ZMYM2: variants seen among roughly 807,000 people sequenced by gnomAD.
ZMYM2 encodes zinc finger MYM-type containing 2.
In ZMYM2, 56 loss-of-function variants were observed where a neutral mutation model predicts 162.8. The observed-to-expected ratio is 0.34, with a 90% CI of 0.28 to 0.43. The LOEUF (loss-of-function observed/expected upper bound fraction) is 0.43. Ranked by LOEUF, ZMYM2 falls within the 20% of genes least tolerant of loss-of-function variation. The pLI is 1.00. For synonymous variants in ZMYM2, 510 were observed against 541.6 expected (o/e 0.94, Z 0.81); for missense variants, 1,275 against 1,621.8 (o/e 0.79, Z 3.67).
At chr13:19,981,722 T>A (rs1300422198) in intron 2 of ZMYM2, among the ~76,000 whole-genome samples, 2 of 152,272 alleles carry the variant, frequency 1.3e-5, no homozygotes, top group African/African-American at 4.8e-5. Flanking sequence ...TATTATTTTC[T>A]TAAAATGTTT....
At chr13:20,034,057 G>A (rs748825601) in intron 10 of ZMYM2, among the ~76,000 whole-genome samples, 197 bp from the exon 11 acceptor site, 3 of 152,068 alleles carry the variant, frequency 2.0e-5, no homozygotes, top group Non-Finnish European at 4.4e-5. Context: ...GTAGCTAATG[G>A]CACTGAATTT....
In ZMYM2 at chr13:20,051,525, C is replaced by T; in HGVS notation, c.2385C>T (p.Cys795=). 1.2e-6 allele frequency: 2 copies of T among 1,613,528 alleles called. No homozygotes were observed. Among genetic ancestry groups the T allele is most frequent in the Non-Finnish European group, 1.7e-6 (2 of 1,179,604 alleles). The stretch of plus-strand genomic sequence containing the variant: ...TGAAACATTTCTGTGATCAACATTG[C>T]TTACTGCGTTTCTACTGTCAACAAA... ...GEMKHFCDQH[C]LLRFYCQQNE... is the part of the protein sequence containing the mutation. Residue 795 remains cysteine, a synonymous_variant, in exon 13 of 25, where the codon TGC becomes TGT. Transcript: ENST00000610343.
At chr13:20,081,987 A>G (rs771200349) in intron 21 of ZMYM2, 29 bp from the exon 22 acceptor site, 10 of 1,371,620 alleles carry the variant, frequency 7.3e-6, no homozygotes, top group Non-Finnish European at 7.7e-6. Context: ...CTTTCAAGAA[A>G]GTTTGTGGGG....
rs912392957 is a variant in ZMYM2 at position 20,058,683 on chromosome 13, C to G, written c.2602C>G (p.Gln868Glu). The G allele has an allele frequency of 9.9e-6, 16 of 1,613,526 alleles. No individual in the cohort carries two copies. Among genetic ancestry groups the G allele is most frequent in the Non-Finnish European group, 1.3e-5 (15 of 1,179,734 alleles). The stretch of plus-strand genomic sequence containing the variant: ...AGCTACTTACTGTAAACCTCACATG[C>G]AGACCAAATCTTGTCAGACAGGTAA... ...TKATYCKPHMQTKSCQTDDTW... is the reference protein window; with the variant it reads ...TKATYCKPHMETKSCQTDDTW... Residue 868 changes from glutamine (Q) to glutamate (E), a missense_variant, in exon 15 of 25, where the codon CAG becomes GAG. Gln to Glu is a conservative substitution (Grantham distance 29). Around this residue, in one of 10 missense-constraint regions of ZMYM2, gnomAD observed 177 missense variants for 228.0 expected, o/e 0.78. Coordinates refer to ENST00000610343, the MANE Select transcript of ZMYM2 (RefSeq NM_197968.4).
chr13:19,964,347 G>A (rs920790806), intron 2 of ZMYM2, among the ~76,000 whole-genome samples: 6 of 151,960 alleles, frequency 3.9e-5, no homozygotes, highest in Non-Finnish European at 7.4e-5. Flanking sequence ...CTGCACTCCA[G>A]CCTGGGCAAT....
intron 22 of ZMYM2, among the ~76,000 whole-genome samples, chr13:20,082,499 T>G (rs545254350): frequency 2.6e-5 from 4 of 152,292 alleles, no homozygotes; most frequent in Non-Finnish European, 5.9e-5. Flanking sequence ...ATTCCTGAAT[T>G]TTAATTTTAA....
At position 20,034,298 on chromosome 13, in the gene ZMYM2, T is replaced by C. The variant is rs1202308886; in HGVS notation, c.2013T>C (p.Tyr671=). 1 of 1,610,700 alleles carries C rather than the reference T, an allele frequency of 6.2e-7. No individual in the cohort carries two copies. The highest frequency in any genetic ancestry group is 8.5e-7 in the Non-Finnish European group (1 of 1,178,914). The part of the protein sequence containing the change: ...QFCSKTCSDD[Y]KKLHCIVTYC... ...GCAGCAAAACTTGTTCAGATGACTA[T>C]AAGAAGTTGCATTGCATAGTTACAT... The change falls in exon 11 of 25, where the codon TAT becomes TAC. Residue 671 remains tyrosine, a synonymous_variant. Transcript: ENST00000610343.
the ZMYM2 span, among the ~76,000 whole-genome samples, chr13:19,894,142 C>T: frequency 4.9e-4 from 74 of 151,946 alleles, no homozygotes; most frequent in Non-Finnish European, 5.3e-4. Flanking sequence ...TCTCAACTTA[C>T]GATGGGGTTA....
the ZMYM2 span, among the ~76,000 whole-genome samples, chr13:19,907,899 C>T: frequency 6.6e-6 from 1 of 150,872 alleles, no homozygotes; most frequent in Non-Finnish European, 1.5e-5. Context: ...GAGAAGTTTA[C>T]ACATTGCATT....
the ZMYM2 span, among the ~76,000 whole-genome samples, chr13:19,891,515 C>T: frequency 3.3e-5 from 5 of 150,444 alleles, no homozygotes; most frequent in African/African-American, 1.2e-4. Context: ...GTGATGCATG[C>T]CTGTAATCCC....
intron 3 of ZMYM2, among the ~76,000 whole-genome samples, chr13:20,001,409 A>AG (rs1950379417): frequency 6.6e-6 from 1 of 151,918 alleles, no homozygotes; most frequent in Non-Finnish European, 1.5e-5. Flanking sequence ...AAAAAAAAAA[A>AG]AAAGTAGAGC....
At chr13:19,891,934 G>T in the ZMYM2 span, among the ~76,000 whole-genome samples, 1 of 151,618 alleles carries the variant, frequency 6.6e-6, no homozygotes, top group Non-Finnish European at 1.5e-5. Flanking sequence ...TTGAATCACT[G>T]TTGTCATTCT....
the ZMYM2 span, among the ~76,000 whole-genome samples, chr13:19,932,098 A>C: frequency 6.6e-6 from 1 of 152,240 alleles, no homozygotes; most frequent in African/African-American, 2.4e-5. Context: ...TTAATAACTC[A>C]GTCTATTTTT....
chr13:20,052,268 G>GT lies in ZMYM2; in HGVS notation c.2459-3dup, dbSNP rs1955428473. On this transcript the variant is annotated splice_polypyrimidine_tract_variant and intron_variant, in intron 13 of 24. Transcript: ENST00000610343. Reference sequence around the variant, plus strand: ...TTTGTCTTATTTTAAATTTTTTTGTGTTTTTTAGATCAGGGTTGTCAGACA... The same window carrying GT: ...TTTGTCTTATTTTAAATTTTTTTGTGTTTTTTTAGATCAGGGTTGTCAGACA... 6.4e-7 allele frequency: 1 copy of GT among 1,552,510 alleles called. No individual in the cohort carries two copies. Among genetic ancestry groups the GT allele is most frequent in the Non-Finnish European group, 8.7e-7 (1 of 1,147,412 alleles).
the ZMYM2 span, among the ~76,000 whole-genome samples, chr13:19,870,548 T>TTCC: frequency 7.4e-6 from 1 of 136,022 alleles, no homozygotes; most frequent in African/African-American, 3.0e-5. Flanking sequence ...TCTTTCTTTC[T>TTCC]TTCTTCCTTC....
intron 10 of ZMYM2, among the ~76,000 whole-genome samples, chr13:20,032,254 G>T (rs976686437): frequency 6.6e-6 from 1 of 152,050 alleles, no homozygotes; most frequent in African/African-American, 2.4e-5. Flanking sequence ...TTAGTTTACT[G>T]ATTTGCTTTG....
the ZMYM2 span, among the ~76,000 whole-genome samples, chr13:19,886,638 G>T: frequency 6.5e-4 from 99 of 151,414 alleles, no homozygotes; most frequent in Non-Finnish European, 2.9e-4. Context: ...AGGTTTTTTT[G>T]TTGTTGTTGT....
chr13:20,080,035 T>C (rs767974947), intron 21 of ZMYM2, among the ~76,000 whole-genome samples: 4 of 152,222 alleles, frequency 2.6e-5, no homozygotes, highest in Non-Finnish European at 5.9e-5. Flanking sequence ...CAAAAGTTTA[T>C]AGTCCCGTTA....
At chr13:19,934,319 C>A in the ZMYM2 span, among the ~76,000 whole-genome samples, 46 of 152,194 alleles carry the variant, frequency 3.0e-4, no homozygotes, top group Non-Finnish European at 5.3e-4. Context: ...CACCACCATG[C>A]CTGGCTAATT....
Sources: allele counts gnomAD v4.1 joint callset (sites outside exome capture counted in the v4.1 genomes callset), GRCh38; gene constraint gnomAD v4.1.1; regional missense constraint gnomAD v4.1.1; transcripts MANE v1.5; gene names NCBI Gene and HGNC (gene_info 2026-07-23, HGNC 2026-07-21).